RADIL: variants seen among roughly 807,000 people sequenced by gnomAD.
RADIL encodes ras-associating and dilute domain-containing protein.
RADIL carries 99 observed loss-of-function variants against 97.6 expected under a neutral mutation model. The observed-to-expected ratio is 1.01, with a 90% CI of 0.86 to 1.20. The LOEUF (loss-of-function observed/expected upper bound fraction) is 1.20, where lower values mean the gene tolerates loss of function less well. Ranked by LOEUF, RADIL falls within the 50% of genes most tolerant of loss-of-function variation. The pLI is 0.00. For synonymous variants in RADIL, 803 were observed against 691.8 expected (o/e 1.16, Z -2.52); for missense variants, 1,765 against 1,498.9 (o/e 1.18, Z -2.93).
Position 4,805,605 on chromosome 7 carries a change from C to T in RADIL, c.2251G>A (p.Glu751Lys), listed in dbSNP as rs546179510. The T allele has an allele frequency of 6.2e-7, 1 of 1,611,780 alleles. No individual in the cohort carries two copies. The highest frequency in any genetic ancestry group is 1.7e-5 in the Admixed American group (1 of 60,012). The change falls in exon 10 of 15, where the codon GAG becomes AAG. Residue 751 changes from glutamate to lysine, a missense_variant. Coordinates refer to ENST00000399583, the MANE Select transcript of RADIL (RefSeq NM_018059.5). ...ASAMGPMSTW[E>K]PGAQDSPEAF... ...TCGGGGCTGTCCTGGGCCCCTGGCT[C>T]CCAGGTGCTCATGGGGCCCATGGCC...
At chr7:4,808,892 C>G (rs1192289416) in intron 9 of RADIL, 1 of 922,860 alleles carries the variant, frequency 1.1e-6, no homozygotes, top group Non-Finnish European at 1.2e-6. Context: ...GCCACTGCCC[C>G]CCGTTCCGAC....
At chr7:4,800,119 G>T in intron 13 of RADIL, 52 bp downstream of exon 13, 1 of 1,567,632 alleles carries the variant, frequency 6.4e-7, no homozygotes, top group African/African-American at 1.4e-5. Flanking sequence ...GCATGAACAG[G>T]CGGGGCCAGG....
chr7:4,870,498 G>A (rs913196206), intron 2 of RADIL, among the ~76,000 whole-genome samples: 3 of 152,180 alleles, frequency 2.0e-5, no homozygotes, highest in South Asian at 2.1e-4. Context: ...CTGGAGTGCA[G>A]TGGCACAATC....
intron 2 of RADIL, chr7:4,861,825 C>G (rs747383053): frequency 1.2e-4 from 168 of 1,421,442 alleles, no homozygotes; most frequent in Admixed American, 6.1e-5. Context: ...CAGCGCCCGC[C>G]CCGCCAGGGC....
rs1583320054 is a variant in RADIL at position 4,865,357 on chromosome 7, G to A, written c.535+12248C>T. On this transcript the variant is annotated intron_variant, in intron 2 of 14. Coordinates refer to ENST00000399583, the MANE Select transcript of RADIL (RefSeq NM_018059.5). ...ATTGTATTTTTACTGTTTCTTTTCT[G>A]TGTGGTTTTTTTTTGTTGTTGTTCC... is the stretch of plus-strand genomic sequence containing the variant. 5.1e-6 allele frequency: 3 copies of A among 585,416 alleles called. No individual in the cohort carries two copies. The East Asian group carries it at 9.0e-5, about 18-fold the overall frequency. The allele number at this position is 585,416 out of a possible 1,614,324, so 36.3% of individuals were successfully genotyped here. A position where few individuals can be genotyped will look rare whatever the true frequency, so the allele number is the denominator to read the frequency against.
At chr7:4,857,793 C>G (rs191717025) in intron 2 of RADIL, 219 of 152,552 alleles carry the variant, frequency 1.4e-3, no homozygotes, top group Non-Finnish European at 1.8e-3. Context: ...CATCTGTTTT[C>G]AAAACAGTGC....
intron 9 of RADIL, 108 bp from the exon 10 acceptor site, chr7:4,805,824 G>A: frequency 6.8e-7 from 1 of 1,463,836 alleles, no homozygotes; most frequent in Non-Finnish European, 9.0e-7. Context: ...GAGGGGCCCT[G>A]TGGTCCTCAC....
intron 2 of RADIL, among the ~76,000 whole-genome samples, chr7:4,841,959 AG>A (rs1175757492): frequency 1.3e-5 from 2 of 151,974 alleles, no homozygotes; most frequent in Non-Finnish European, 2.9e-5. Flanking sequence ...GGGAGGCTGA[AG>A]GGGAGAATCA....
chr7:4,816,438 G>A lies in RADIL; in HGVS notation c.1756C>T (p.Leu586=). 2.5e-6 allele frequency: 4 copies of A among 1,607,492 alleles called. No individual in the cohort carries two copies. Among genetic ancestry groups the A allele is most frequent in the Non-Finnish European group, 3.4e-6 (4 of 1,177,982 alleles). The change falls in exon 8 of 15, where the codon CTG becomes TTG. Residue 586 remains leucine, a synonymous_variant. Transcript: ENST00000399583. ...TCCGTCTGGAATGGCGGGCACTCCA[G>A]GAGTGCCGGGAGGCAGATGTACAGG... The part of the protein sequence containing the change: ...KSLYICLPAL[L]ECPPFQTERR...
Position 4,837,966 on chromosome 7 carries a change from G to T in RADIL, c.536-1361C>A. ...TCCCAATAAAACCAAACAAAAGCCGGATGGAGGGAGGCGTCAGCTGGCTGA... is the reference window on the plus strand; with the variant it reads ...TCCCAATAAAACCAAACAAAAGCCGTATGGAGGGAGGCGTCAGCTGGCTGA... On this transcript the variant is annotated intron_variant, in intron 2 of 14. Coordinates refer to ENST00000399583, the MANE Select transcript of RADIL (RefSeq NM_018059.5). This position sits in a 1 kb window ranked among gnomAD's most constrained non-coding sequence, Gnocchi z 5.6. 1.0e-6 allele frequency: 1 copy of T among 985,374 alleles called. No homozygotes were observed. The highest frequency in any genetic ancestry group is 1.2e-6 in the Non-Finnish European group (1 of 829,922). The allele number at this position is 985,374 out of a possible 1,614,324, so 61.0% of individuals were successfully genotyped here.
chr7:4,809,945 C>G (rs1000865572), intron 9 of RADIL, among the ~76,000 whole-genome samples: 3 of 150,570 alleles, frequency 2.0e-5, no homozygotes, highest in African/African-American at 7.4e-5. Flanking sequence ...CTCCATCTCC[C>G]GGGTTCCAGT....
rs765733957 is a variant in RADIL at position 4,834,972 on chromosome 7, A to G, written c.1051T>C (p.Tyr351His). The change falls in exon 4 of 15, where the codon TAC becomes CAC. Residue 351 changes from tyrosine to histidine, a missense_variant. Physicochemically the swap from Tyr to His is moderately conservative, Grantham distance 83. Transcript: ENST00000399583. The surrounding 1 kb of genome is among the most constrained non-coding windows in gnomAD (Gnocchi z 6.0). ...GCGGGGTCCTTGAATAGCAGCAGGT[A>G]GTAGAGCCCCAGGGAGAGCAGGTCC... ...HGDLLSLGLY[Y>H]LLLFKDPAQA... 58 of 1,610,010 alleles carry G rather than the reference A, an allele frequency of 3.6e-5. No homozygotes were observed. Among genetic ancestry groups the G allele is most frequent in the Non-Finnish European group, 4.7e-5 (55 of 1,178,774 alleles).
At chr7:4,820,290 C>T (rs1293081614) in intron 6 of RADIL, among the ~76,000 whole-genome samples, 2 of 152,226 alleles carry the variant, frequency 1.3e-5, no homozygotes, top group Non-Finnish European at 2.9e-5. Context: ...GGAGAGGCGA[C>T]GGGCGCTGTA....
At chr7:4,812,291 T>G (rs562956388) in intron 9 of RADIL, among the ~76,000 whole-genome samples, 1 of 152,338 alleles carries the variant, frequency 6.6e-6, no homozygotes, top group East Asian at 1.9e-4. Context: ...ATTGTCAAAT[T>G]TATCAGCAAA....
intron 4 of RADIL, among the ~76,000 whole-genome samples, chr7:4,833,473 T>A (rs1783204633): frequency 6.6e-6 from 1 of 151,686 alleles, no homozygotes; most frequent in Non-Finnish European, 1.5e-5. Context: ...TCCCATCAAA[T>A]CCCAAGCCGG....
chr7:4,845,809 G>C (rs969201802), intron 2 of RADIL, among the ~76,000 whole-genome samples: 1 of 152,236 alleles, frequency 6.6e-6, no homozygotes, highest in African/African-American at 2.4e-5. Flanking sequence ...GGGTAACTGA[G>C]GAGATAAAAT....
chr7:4,870,247 A>G (rs979995853), intron 2 of RADIL, among the ~76,000 whole-genome samples: 8 of 152,194 alleles, frequency 5.3e-5, no homozygotes, highest in African/African-American at 1.9e-4. Flanking sequence ...CAGTCTGTAT[A>G]TATCTGACAC....
intron 9 of RADIL, among the ~76,000 whole-genome samples, chr7:4,813,000 T>A (rs1308174354): frequency 6.6e-6 from 1 of 152,210 alleles, no homozygotes; most frequent in Non-Finnish European, 1.5e-5. Flanking sequence ...ATGAACTTAA[T>A]GCTGAGTTGG....
At chr7:4,858,405 CTTAA>C (rs1209344383) in intron 2 of RADIL, 2 of 152,234 alleles carry the variant, frequency 1.3e-5, no homozygotes, top group Non-Finnish European at 2.9e-5. Context: ...TGCTCTACTG[CTTAA>C]TTATGAGATT....
Sources: gnomAD v4.1 joint callset for allele counts (sites outside exome capture counted in the v4.1 genomes callset) on GRCh38, gnomAD v4.1.1 for gene constraint, Gnocchi (gnomAD v3.1) non-coding constraint, MANE v1.5 for transcripts, NCBI Gene and HGNC (gene_info 2026-07-23, HGNC 2026-07-21) for gene names.